The following TSPAN14 variants were observed in gnomAD, a reference collection of about 807,000 sequenced individuals.
The protein encoded by TSPAN14 is tetraspanin 14, also known as tetraspanin-14.
Under a neutral mutation model 36.6 loss-of-function variants are expected in TSPAN14, and 16 were observed. The ratio of observed to expected loss-of-function variants is 0.44; its 90% CI spans 0.30 to 0.66. The LOEUF (loss-of-function observed/expected upper bound fraction) is 0.66, where lower values mean the gene tolerates loss of function less well. Ranked by LOEUF, TSPAN14 falls within the 30% of genes least tolerant of loss-of-function variation. TSPAN14 has a pLI of 0.12. For missense variants in TSPAN14, 231 were observed against 355.1 expected, an observed-to-expected ratio of 0.65 and a Z score of 2.81; for synonymous variants, 139 against 143.8, an observed-to-expected ratio of 0.97 and a Z score of 0.24.
intron 2 of TSPAN14, among the ~76,000 whole-genome samples, chr10:80,497,489 A>G (rs1399081760): frequency 6.6e-6 from 1 of 152,246 alleles, no homozygotes; most frequent in African/African-American, 2.4e-5. Context: ...AGTAATTGCT[A>G]CGGGGATCAT....
chr10:80,470,333 C>T (rs780318747), intron 1 of TSPAN14, among the ~76,000 whole-genome samples: 2 of 152,200 alleles, frequency 1.3e-5, no homozygotes, highest in Non-Finnish European at 2.9e-5. Flanking sequence ...GATCCACCTG[C>T]CTCCCAAAGT....
At chr10:80,478,100 A>G (rs1847029100) in intron 1 of TSPAN14, among the ~76,000 whole-genome samples, 1 of 152,212 alleles carries the variant, frequency 6.6e-6, no homozygotes, top group East Asian at 1.9e-4. Context: ...GGAAAGCAAA[A>G]CAAATGAAAA....
At chr10:80,506,663 C>T (rs944087230) in intron 3 of TSPAN14, among the ~76,000 whole-genome samples, 3 of 152,226 alleles carry the variant, frequency 2.0e-5, no homozygotes, top group African/African-American at 7.2e-5. Flanking sequence ...GTCCTTCTGT[C>T]TCATTAGCCA....
intron 1 of TSPAN14, chr10:80,485,668 C>G: frequency 7.1e-6 from 7 of 985,424 alleles, no homozygotes; most frequent in Non-Finnish European, 8.4e-6. Flanking sequence ...CTTTCCAACC[C>G]GCTGGCCAAC....
intron 4 of TSPAN14, among the ~76,000 whole-genome samples, chr10:80,508,584 A>C (rs1472145342): frequency 6.6e-6 from 1 of 152,094 alleles, no homozygotes. Context: ...CCCCTTGCAG[A>C]ATGCCACCAC....
At chr10:80,500,998 A>G (rs926903681) in intron 2 of TSPAN14, among the ~76,000 whole-genome samples, 11 of 152,156 alleles carry the variant, frequency 7.2e-5, no homozygotes, top group South Asian at 2.1e-4. Context: ...ACCTCTTCCT[A>G]TTGTATCTAT....
At chr10:80,505,531 C>T (rs766944908) in intron 3 of TSPAN14, among the ~76,000 whole-genome samples, 2 of 152,216 alleles carry the variant, frequency 1.3e-5, no homozygotes, top group Non-Finnish European at 1.5e-5. Context: ...GGCCTTCTTC[C>T]TTCAGTGGAA....
intron 2 of TSPAN14, among the ~76,000 whole-genome samples, chr10:80,499,915 CAAAG>C (rs1848400069): frequency 8.5e-6 from 1 of 118,178 alleles, no homozygotes; most frequent in African/African-American, 2.8e-5. Context: ...GGGAGGGAGA[CAAAG>C]AAGGTCACTT....
chr10:80,485,659 T>G, intron 1 of TSPAN14: 4 of 985,404 alleles, frequency 4.1e-6, no homozygotes, highest in Non-Finnish European at 4.8e-6. Flanking sequence ...CAGGACCTGC[T>G]TTCCAACCCG....
At chr10:80,520,750 G>C (rs144874937) in exon 9 of TSPAN14, 2 of 533,284 alleles carry the variant, frequency 3.8e-6, no homozygotes, top group Non-Finnish European at 7.7e-6. Context: ...CCCTTCCTTT[G>C]CACCACCCAC....
chr10:80,504,157 T>C (rs1285656868), intron 2 of TSPAN14, among the ~76,000 whole-genome samples: 1 of 152,174 alleles, frequency 6.6e-6, no homozygotes, highest in Admixed American at 6.5e-5. Flanking sequence ...TAGTTAACAG[T>C]AGGGAGGAGG....
rs1047688365 is a variant in TSPAN14, at chr10:80,505,358, G to C, written c.132+580G>C. On this transcript the variant is annotated intron_variant, in intron 3 of 8. Transcript: ENST00000429989. Reference sequence around the variant, plus strand: ...GGATGAGACTGGATATGGGCAGGGTGGGGCTGTGCTGCTGCTTGTTGCCCT... The same window carrying C: ...GGATGAGACTGGATATGGGCAGGGTCGGGCTGTGCTGCTGCTTGTTGCCCT... 1.2e-4 allele frequency among the ~76,000 whole-genome samples: 18 copies of C among 152,304 alleles called. No individual in the cohort carries two copies. The East Asian group carries it at 2.3e-3, about 20-fold the overall frequency.
intron 1 of TSPAN14, among the ~76,000 whole-genome samples, chr10:80,481,647 C>T (rs1026706499): frequency 1.3e-5 from 2 of 152,106 alleles, no homozygotes; most frequent in Admixed American, 6.6e-5. Context: ...ATGCATAATG[C>T]GTAAAACTGA....
chr10:80,502,310 G>A (rs1325972498), intron 2 of TSPAN14, among the ~76,000 whole-genome samples: 2 of 152,192 alleles, frequency 1.3e-5, no homozygotes, highest in Non-Finnish European at 2.9e-5. Flanking sequence ...GGGAGAGACC[G>A]TGCATTTTCT....
chr10:80,485,200 C>CAT (rs1554861007), intron 1 of TSPAN14, among the ~76,000 whole-genome samples: 1 of 151,400 alleles, frequency 6.6e-6, no homozygotes, highest in Non-Finnish European at 1.5e-5. Context: ...GTCATGCGTG[C>CAT]GTGTGTGTGT....
chr10:80,496,829 A>G (rs1013929280), intron 2 of TSPAN14, among the ~76,000 whole-genome samples: 2 of 151,770 alleles, frequency 1.3e-5, no homozygotes, highest in African/African-American at 4.8e-5. Flanking sequence ...TTATGTCTCC[A>G]ATTTCTTTCC....
intron 1 of TSPAN14, among the ~76,000 whole-genome samples, chr10:80,482,606 G>A (rs1329977677): frequency 4.6e-5 from 7 of 150,962 alleles, no homozygotes; most frequent in African/African-American, 2.5e-5. Flanking sequence ...ACTCATTTTA[G>A]TTGTGCATGT....
intron 1 of TSPAN14, among the ~76,000 whole-genome samples, chr10:80,467,963 G>T (rs1206973439): frequency 6.6e-6 from 1 of 152,200 alleles, no homozygotes; most frequent in Non-Finnish European, 1.5e-5. Context: ...CCAAAGTGAG[G>T]CCAAGCTCTT....
chr10:80,459,206 CTTG>C (rs1845863288), intron 1 of TSPAN14: 1 of 151,806 alleles, frequency 6.6e-6, no homozygotes. Context: ...TTCCTCCGCC[CTTG>C]GGCTTGGTGG....
Sources: gnomAD v4.1 joint callset for allele counts (sites outside exome capture counted in the v4.1 genomes callset) on GRCh38, gnomAD v4.1.1 for gene constraint, MANE v1.5 for transcripts, NCBI Gene and HGNC (gene_info 2026-07-23, HGNC 2026-07-21) for gene names.